The following ZNF536 variants were observed in gnomAD, a reference collection of about 807,000 sequenced individuals.
ZNF536 encodes the protein zinc finger protein 536.
In ZNF536, 13 loss-of-function variants were observed where a neutral mutation model predicts 84.5. The observed-to-expected ratio is 0.15, with a 90% CI of 0.10 to 0.24. ZNF536 has a LOEUF of 0.24. ZNF536 is among the 10% of genes least tolerant of loss of function. ZNF536 has a pLI of 1.00. For missense variants in ZNF536, 1,536 were observed against 1,747.5 expected (o/e 0.88, Z 2.16); for synonymous variants, 811 against 742.5 (o/e 1.09, Z -1.50).
intron 1 of ZNF536, among the ~76,000 whole-genome samples, chr19:30,693,284 T>C (rs1202229174): frequency 1.3e-5 from 2 of 152,210 alleles, no homozygotes; most frequent in African/African-American, 4.8e-5. Context: ...GATACCAAGA[T>C]GGCGTGTAGA....
chr19:30,396,710 T>C (rs1403882424), intron 1 of ZNF536, among the ~76,000 whole-genome samples: 2 of 151,414 alleles, frequency 1.3e-5, no homozygotes, highest in African/African-American at 2.4e-5. Flanking sequence ...GTTCAAGTGA[T>C]TCTCCTGCCT....
chr19:30,672,807 G>T (rs978714919), intron 1 of ZNF536, among the ~76,000 whole-genome samples: 4 of 152,162 alleles, frequency 2.6e-5, no homozygotes, highest in East Asian at 1.9e-4. Context: ...AGGAGGGAGT[G>T]GGGGGAGCAG....
intron 1 of ZNF536, among the ~76,000 whole-genome samples, chr19:30,387,499 C>A (rs1600511505): frequency 6.6e-6 from 1 of 152,308 alleles, no homozygotes; most frequent in East Asian, 1.9e-4. Flanking sequence ...CCATTTATTG[C>A]CACTTACCAC....
At chr19:30,335,583 C>T (rs951641766) in intron 2 of ZNF536, among the ~76,000 whole-genome samples, 1 of 152,166 alleles carries the variant, frequency 6.6e-6, no homozygotes, top group Non-Finnish European at 1.5e-5. Context: ...AGTCCCGGCC[C>T]CTTTCCCAGT....
chr19:30,381,676 G>C (rs1203579275), intron 1 of ZNF536, among the ~76,000 whole-genome samples: 1 of 152,196 alleles, frequency 6.6e-6, no homozygotes, highest in Non-Finnish European at 1.5e-5. Context: ...CTGGGGCAAG[G>C]GGCTAATTCC....
At chr19:30,626,359 A>ATT (rs71333462) in intron 1 of ZNF536, among the ~76,000 whole-genome samples, 1 of 149,534 alleles carries the variant, frequency 6.7e-6, no homozygotes, top group East Asian at 2.0e-4. Flanking sequence ...TCTGGGGGTT[A>ATT]TTTTTTTTTT....
rs544096938 is a variant in ZNF536 at position 30,485,511 on chromosome 19, C to T, written c.2170+39779C>T. Among the ~76,000 whole-genome samples, 57 of 152,250 alleles carry T rather than the reference C, an allele frequency of 3.7e-4. 1 individual carries two copies. Among genetic ancestry groups the T allele is most frequent in the African/African-American group, 1.3e-3 (55 of 41,554 alleles). ...TCACTATAGATTTACTGATTCTGGA[C>T]GTCTACTTGCTGTTCTTAAAGCTCA... is the stretch of plus-strand genomic sequence containing the variant. On this transcript the variant is annotated intron_variant, in intron 2 of 4. Coordinates refer to ENST00000355537, the MANE Select transcript of ZNF536 (RefSeq NM_014717.3).
At chr19:30,606,213 AAAATATAAAATAAAAT>A (rs1568596780) in intron 1 of ZNF536, among the ~76,000 whole-genome samples, 55 of 143,140 alleles carry the variant, frequency 3.8e-4, no homozygotes, top group African/African-American at 1.4e-3. Flanking sequence ...AAAATAAAAT[AAAATATAAAATAAAAT>A]AATAAAATAA....
chr19:30,512,050 C>T (rs1436879587), intron 2 of ZNF536, among the ~76,000 whole-genome samples: 3 of 152,110 alleles, frequency 2.0e-5, no homozygotes, highest in Non-Finnish European at 4.4e-5. Flanking sequence ...AAGCATATGG[C>T]AAAGCTTTTA....
At chr19:30,477,626 T>A (rs561540487) in intron 2 of ZNF536, among the ~76,000 whole-genome samples, 1 of 152,176 alleles carries the variant, frequency 6.6e-6, no homozygotes. Context: ...TGGAGTGTTG[T>A]TGGGTCAGGG....
At chr19:30,477,498 G>T (rs2053898774) in intron 2 of ZNF536, among the ~76,000 whole-genome samples, 1 of 152,184 alleles carries the variant, frequency 6.6e-6, no homozygotes, top group Non-Finnish European at 1.5e-5. Context: ...ATATGCTTGA[G>T]GTTTCTTTCA....
chr19:30,386,253 C>T (rs759884733), intron 1 of ZNF536, among the ~76,000 whole-genome samples: 56 of 152,186 alleles, frequency 3.7e-4, no homozygotes, highest in Non-Finnish European at 6.5e-4. Flanking sequence ...GAAGCCAATT[C>T]TCACGCTGCT....
At position 30,249,555 on chromosome 19, in the gene ZNF536, T is replaced by C. The variant is rs185703903; in HGVS notation, c.-190+20882T>C. Reference sequence around the variant, plus strand: ...ACCAAATGACTTACCAAAAAACACATGCAAAAAGGATCACTTGAGCCTGGG... The same window carrying C: ...ACCAAATGACTTACCAAAAAACACACGCAAAAAGGATCACTTGAGCCTGGG... On this transcript the variant is annotated intron_variant, in intron 1 of 5. Coordinates refer to the ZNF536 transcript ENST00000585628. Among the ~76,000 whole-genome samples, 11 of 152,222 alleles carry C rather than the reference T, an allele frequency of 7.2e-5. No homozygotes were observed. The East Asian group carries it at 2.1e-3, about 29-fold the overall frequency.
At chr19:30,677,537 G>A (rs2050795839) in intron 1 of ZNF536, among the ~76,000 whole-genome samples, 2 of 152,214 alleles carry the variant, frequency 1.3e-5, no homozygotes, top group Non-Finnish European at 1.5e-5. Context: ...CTCCATGCAG[G>A]ATCCTGGCCC....
intron 2 of ZNF536, among the ~76,000 whole-genome samples, chr19:30,294,231 A>G (rs1271365585): frequency 2.0e-5 from 3 of 152,160 alleles, no homozygotes; most frequent in Admixed American, 6.5e-5. Context: ...GGGGAGGTAG[A>G]GGCACGTGTA....
intron 1 of ZNF536, among the ~76,000 whole-genome samples, chr19:30,413,064 T>G (rs1600630174): frequency 6.6e-6 from 1 of 152,284 alleles, no homozygotes; most frequent in East Asian, 1.9e-4. Context: ...ATCTGAATTT[T>G]TATTCCCTTC....
chr19:30,347,191 A>T (rs2047773825), intron 2 of ZNF536, among the ~76,000 whole-genome samples: 1 of 151,796 alleles, frequency 6.6e-6, no homozygotes, highest in South Asian at 2.1e-4. Flanking sequence ...GCAGATGGGA[A>T]ACCAAATTCC....
chr19:30,570,350 A>G (rs962941061), intron 1 of ZNF536, among the ~76,000 whole-genome samples: 2 of 152,170 alleles, frequency 1.3e-5, no homozygotes, highest in Non-Finnish European at 2.9e-5. Context: ...GTAACCCGGC[A>G]CGTTCCTCCC....
At chr19:30,625,180 T>C (rs1005358229) in intron 1 of ZNF536, among the ~76,000 whole-genome samples, 9 of 152,104 alleles carry the variant, frequency 5.9e-5, no homozygotes, top group Admixed American at 5.2e-4. Context: ...CAGGTGAGCA[T>C]AGGTAACCAA....
Sources: allele counts gnomAD v4.1 joint callset (sites outside exome capture counted in the v4.1 genomes callset), GRCh38; gene constraint gnomAD v4.1.1; transcripts MANE v1.5; gene names NCBI Gene and HGNC (gene_info 2026-07-23, HGNC 2026-07-21).